CYB5B: variants seen among roughly 807,000 people sequenced by gnomAD.
CYB5B encodes the protein cytochrome b5 type B (outer mitochondrial membrane).
CYB5B carries 14 observed loss-of-function variants against 21.3 expected under a neutral mutation model. That is an observed-to-expected ratio of 0.66 (90% CI 0.43 to 1.03). The LOEUF (loss-of-function observed/expected upper bound fraction) is 1.03, where lower values mean the gene tolerates loss of function less well. Among genes scored for constraint, CYB5B ranks in the 50% least tolerant of loss-of-function variants. The pLI is 0.00. For missense variants in CYB5B, 166 were observed against 185.1 expected (o/e 0.90, Z 0.60); for synonymous variants, 69 against 68.4 (o/e 1.01, Z -0.04).
intron 1 of CYB5B, among the ~76,000 whole-genome samples, chr16:69,427,755 C>T (rs561201832): frequency 5.9e-5 from 9 of 151,820 alleles, no homozygotes; most frequent in South Asian, 2.1e-4. Flanking sequence ...CAGCACTTTG[C>T]GAGGCGAAGG....
chr16:69,424,841 C>A lies in CYB5B; in HGVS notation c.158C>A (p.Thr53Asn). The A allele has an allele frequency of 6.3e-7, 1 of 1,583,702 alleles. No individual in the cohort carries two copies. Among genetic ancestry groups the A allele is most frequent in the Admixed American group, 1.8e-5 (1 of 55,626 alleles). Residue 53 changes from threonine (T) to asparagine (N), a missense_variant, in exon 1 of 5, where the codon ACC becomes AAC. Coordinates refer to ENST00000307892, the MANE Select transcript of CYB5B (RefSeq NM_030579.3). ...ATCCATGGGCGAGTCTACGATGTCA[C>A]CCGCTTCCTCAACGAGGTGGGGCCT... ...LVIHGRVYDV[T>N]RFLNEHPGGE...
chr16:69,428,402 G>C (rs1351501611), intron 1 of CYB5B, among the ~76,000 whole-genome samples: 1 of 152,038 alleles, frequency 6.6e-6, no homozygotes, highest in Admixed American at 6.6e-5. Context: ...GCTTAGGCCT[G>C]TAATCCCAGC....
At chr16:69,440,873 G>A (rs2142815807) in intron 1 of CYB5B, among the ~76,000 whole-genome samples, 1 of 151,538 alleles carries the variant, frequency 6.6e-6, no homozygotes, top group East Asian at 1.9e-4. Flanking sequence ...TGTCCAGGAT[G>A]GTCATGAACT....
chr16:69,455,092 C>G (rs1252673493), intron 3 of CYB5B, among the ~76,000 whole-genome samples: 1 of 152,142 alleles, frequency 6.6e-6, no homozygotes, highest in Non-Finnish European at 1.5e-5. Context: ...GATGGGGTTT[C>G]ACCCTGTTAG....
In CYB5B at chr16:69,447,658, A is replaced by AAAT. The variant is rs2014891373; in HGVS notation, c.303+380_303+381insAAT. Reference sequence around the variant, plus strand: ...ACTCTGTCTCAAAAAAAAAAAAAAAATTATTAAAATGGAAATTCATTCAAT... The same window carrying AAAT: ...ACTCTGTCTCAAAAAAAAAAAAAAAAAATTTATTAAAATGGAAATTCATTCAAT... On this transcript the variant is annotated intron_variant, in intron 2 of 4. Coordinates refer to ENST00000307892, the MANE Select transcript of CYB5B (RefSeq NM_030579.3). Among the ~76,000 whole-genome samples, 4 of 151,542 alleles carry AAAT rather than the reference A, an allele frequency of 2.6e-5. No individual in the cohort carries two copies. In the South Asian group the frequency reaches 8.4e-4, roughly 32 times the overall value.
chr16:69,435,273 C>T (rs1403887851), intron 1 of CYB5B, among the ~76,000 whole-genome samples: 2 of 152,162 alleles, frequency 1.3e-5, no homozygotes, highest in Non-Finnish European at 2.9e-5. Context: ...TGGCATACTA[C>T]CTGGCTTAAA....
intron 4 of CYB5B, among the ~76,000 whole-genome samples, chr16:69,462,052 G>C (rs909068177): frequency 4.6e-5 from 7 of 152,070 alleles, no homozygotes; most frequent in Admixed American, 3.9e-4. Context: ...ATACATAATG[G>C]TGTTTTTTCC....
Position 69,462,997 on chromosome 16 carries a change from A to G in CYB5B, c.*477A>G, listed in dbSNP as rs2015050932. The G allele has an allele frequency of 6.5e-6, 1 of 154,704 alleles. No individual in the cohort carries two copies. Among genetic ancestry groups the G allele is most frequent in the South Asian group, 2.0e-4 (1 of 5,074 alleles). The allele number at this position is 154,704 out of a possible 1,614,324, so 9.6% of individuals were successfully genotyped here. ...GGTGGCTCAGGCCTGTAATCCTGGC[A>G]CTTTGGGAGGCCAAGGTGGGAAGAT... is the stretch of plus-strand genomic sequence containing the variant. On this transcript the variant is annotated 3_prime_UTR_variant, in exon 5 of 5. Coordinates refer to ENST00000307892, the MANE Select transcript of CYB5B (RefSeq NM_030579.3).
In CYB5B at chr16:69,440,415, G is replaced by A. The variant is rs575285219; in HGVS notation, c.175-6735G>A. 1.9e-4 allele frequency among the ~76,000 whole-genome samples: 29 copies of A among 152,256 alleles called. 1 individual carries two copies. The South Asian group carries it at 6.0e-3, about 32-fold the overall frequency. ...TAGCCATAAGATGTCACTGTAGTAA[G>A]TGAACACACTTGTATAACCACCATC... is the stretch of plus-strand genomic sequence containing the variant. On this transcript the variant is annotated intron_variant, in intron 1 of 4. Transcript: ENST00000307892.
chr16:69,445,900 G>T (rs2142819629), intron 1 of CYB5B, among the ~76,000 whole-genome samples: 1 of 152,198 alleles, frequency 6.6e-6, no homozygotes, highest in Admixed American at 6.5e-5. Flanking sequence ...AGGTTGCGGT[G>T]AGCTGAGATT....
At position 69,462,680 on chromosome 16, in the gene CYB5B, G is replaced by T. The variant is rs2015047514; in HGVS notation, c.*160G>T. 1.6e-6 allele frequency: 1 copy of T among 620,564 alleles called. No individual in the cohort carries two copies. The highest frequency in any genetic ancestry group is 1.8e-5 in the African/African-American group (1 of 54,728). The allele number at this position is 620,564 out of a possible 1,614,324, so 38.4% of individuals were successfully genotyped here. A position where few individuals can be genotyped will look rare whatever the true frequency, so the allele number is the denominator to read the frequency against. On this transcript the variant is annotated 3_prime_UTR_variant, in exon 5 of 5. Coordinates refer to ENST00000307892, the MANE Select transcript of CYB5B (RefSeq NM_030579.3). ...AGACATCACCTCAGATCTGAGACCA[G>T]CGTCTTCCATCTCTCAGAGCCTTAC...
chr16:69,432,738 A>G (rs1358604741), intron 1 of CYB5B, among the ~76,000 whole-genome samples: 1 of 152,098 alleles, frequency 6.6e-6, no homozygotes, highest in African/African-American at 2.4e-5. Flanking sequence ...ACTTTCACAG[A>G]GTCATAAAGT....
Position 69,465,398 on chromosome 16 carries a change from A to G in CYB5B, c.*2878A>G, listed in dbSNP as rs2015079387. ...AAAATTCCTCAGCCCCTACTCAGCAATTGGTTTTGGTTTCCAAATGACTTC... is the reference window on the plus strand; with the variant it reads ...AAAATTCCTCAGCCCCTACTCAGCAGTTGGTTTTGGTTTCCAAATGACTTC... On this transcript the variant is annotated 3_prime_UTR_variant, in exon 5 of 5. Transcript: ENST00000307892. The G allele has an allele frequency of 1.3e-5, 2 of 152,194 alleles. No individual in the cohort carries two copies. The highest frequency in any genetic ancestry group is 2.1e-4 in the South Asian group (1 of 4,834). The allele number at this position is 152,194 out of a possible 1,614,324, so 9.4% of individuals were successfully genotyped here.
At chr16:69,448,324 C>T in intron 3 of CYB5B, 180 bp downstream of exon 3, 1 of 660,668 alleles carries the variant, frequency 1.5e-6, no homozygotes, top group Non-Finnish European at 2.6e-6. Context: ...ATAGCTGAGT[C>T]TTGAACAGTA....
At chr16:69,453,932 A>T (rs1467905940) in intron 3 of CYB5B, among the ~76,000 whole-genome samples, 2 of 152,226 alleles carry the variant, frequency 1.3e-5, no homozygotes, top group African/African-American at 4.8e-5. Context: ...ATAGAATGTG[A>T]TGACAAAATT....
intron 1 of CYB5B, among the ~76,000 whole-genome samples, chr16:69,438,110 T>A (rs995670170): frequency 3.9e-5 from 6 of 152,206 alleles, no homozygotes; most frequent in African/African-American, 1.2e-4. Flanking sequence ...TTCTATTTTT[T>A]GTTTTTATCA....
chr16:69,461,164 C>T (rs1437912206), intron 4 of CYB5B, among the ~76,000 whole-genome samples: 1 of 150,512 alleles, frequency 6.6e-6, no homozygotes, highest in Non-Finnish European at 1.5e-5. Flanking sequence ...AAGATCGCGC[C>T]ACCGCACTCC....
rs929569689 is a variant in CYB5B, at chr16:69,463,795, C to T, written c.*1275C>T. On this transcript the variant is annotated 3_prime_UTR_variant, in exon 5 of 5. Coordinates refer to ENST00000307892, the MANE Select transcript of CYB5B (RefSeq NM_030579.3). ...TTTTTCCATGAGAATAAAATACTGG[C>T]GGTTTTTTTCTCAGATGTGTGTTCA... 1 of 152,040 alleles carries T rather than the reference C, an allele frequency of 6.6e-6. No homozygotes were observed. Among genetic ancestry groups the T allele is most frequent in the Non-Finnish European group, 1.5e-5 (1 of 68,016 alleles). The allele number at this position is 152,040 out of a possible 1,614,324, so 9.4% of individuals were successfully genotyped here. A position where few individuals can be genotyped will look rare whatever the true frequency, so the allele number is the denominator to read the frequency against.
chr16:69,452,070 A>T (rs978830067), intron 3 of CYB5B, among the ~76,000 whole-genome samples: 2 of 151,940 alleles, frequency 1.3e-5, no homozygotes, highest in Non-Finnish European at 2.9e-5. Context: ...ATGCATTCAT[A>T]AGGATGGATG....
Sources: allele counts gnomAD v4.1 joint callset (sites outside exome capture counted in the v4.1 genomes callset), GRCh38; gene constraint gnomAD v4.1.1; transcripts MANE v1.5; gene names NCBI Gene and HGNC (gene_info 2026-07-23, HGNC 2026-07-21).